TRPC3: variants seen among roughly 807,000 people sequenced by gnomAD.
The protein encoded by TRPC3 is short transient receptor potential channel 3.
Under a neutral mutation model 90.9 loss-of-function variants are expected in TRPC3, and 54 were observed. The ratio of observed to expected loss-of-function variants is 0.59; its 90% CI spans 0.48 to 0.75. TRPC3 has a LOEUF of 0.75. Ranked by LOEUF, TRPC3 falls within the 30% of genes least tolerant of loss-of-function variation. TRPC3 has a pLI of 0.00. For missense variants in TRPC3, 918 were observed against 1,194.5 expected (o/e 0.77, Z 3.41); for synonymous variants, 424 against 450.9 (o/e 0.94, Z 0.75).
chr4:121,899,578 TAG>T (rs1728634008), intron 10 of TRPC3, 32 bp downstream of exon 10: 1 of 1,561,052 alleles, frequency 6.4e-7, no homozygotes, highest in South Asian at 1.1e-5. Context: ...TGGAATCACA[TAG>T]AGATCAAGAG....
At chr4:121,893,880 T>A (rs997067416) in intron 10 of TRPC3, among the ~76,000 whole-genome samples, 4 of 152,106 alleles carry the variant, frequency 2.6e-5, no homozygotes, top group Non-Finnish European at 5.9e-5. Context: ...TCATTCATGA[T>A]AAAGAAATGC....
At chr4:121,904,297 T>C (rs2149119807) in intron 8 of TRPC3, 25 bp downstream of exon 8, 1 of 1,584,072 alleles carries the variant, frequency 6.3e-7, no homozygotes, top group South Asian at 1.2e-5. Context: ...CAAGGATAGA[T>C]ACTATGGATA....
intron 1 of TRPC3, among the ~76,000 whole-genome samples, chr4:121,943,019 C>T (rs1018814109): frequency 6.6e-6 from 1 of 152,220 alleles, no homozygotes; most frequent in African/African-American, 2.4e-5. Context: ...GTCTTCATGC[C>T]TATCTCCCCA....
At chr4:121,895,685 T>C (rs945146676) in intron 10 of TRPC3, among the ~76,000 whole-genome samples, 1 of 151,962 alleles carries the variant, frequency 6.6e-6, no homozygotes, top group Non-Finnish European at 1.5e-5. Flanking sequence ...CAAGATTAAA[T>C]GAGTGCATAA....
At chr4:121,931,545 A>G (rs1344304540) in intron 2 of TRPC3, among the ~76,000 whole-genome samples, 2 of 116,358 alleles carry the variant, frequency 1.7e-5, no homozygotes, top group Non-Finnish European at 3.6e-5. Context: ...TATCCAGAAA[A>G]AAAGTTCACT....
chr4:121,896,591 A>T (rs111699438), intron 10 of TRPC3, among the ~76,000 whole-genome samples: 2,893 of 152,168 alleles, frequency 0.019, 45 homozygotes, highest in Middle Eastern at 0.071. Flanking sequence ...AACCAAGGAG[A>T]TGAAAGACCT....
At chr4:121,917,739 A>C (rs1327284327) in intron 3 of TRPC3, among the ~76,000 whole-genome samples, 1 of 152,218 alleles carries the variant, frequency 6.6e-6, no homozygotes, top group Non-Finnish European at 1.5e-5. Context: ...AGACAGATAT[A>C]AATAAAAGGC....
chr4:121,910,479 C>T (rs999498084), intron 5 of TRPC3, 92 bp from the exon 6 acceptor site: 36 of 971,968 alleles, frequency 3.7e-5, no homozygotes, highest in Non-Finnish European at 5.5e-5. Flanking sequence ...CATCTCTACC[C>T]TACACGTCAA....
intron 10 of TRPC3, among the ~76,000 whole-genome samples, chr4:121,886,259 C>T (rs1232560093): frequency 6.6e-5 from 10 of 152,142 alleles, no homozygotes; most frequent in Admixed American, 5.2e-4. Flanking sequence ...CATTCATTCT[C>T]TCACTTAATT....
intron 4 of TRPC3, among the ~76,000 whole-genome samples, chr4:121,913,285 A>T (rs1729175254): frequency 6.6e-6 from 1 of 152,244 alleles, no homozygotes; most frequent in Non-Finnish European, 1.5e-5. Context: ...TTTCTCCTAA[A>T]GGTCAATCTT....
rs201996877 is a variant in TRPC3, at chr4:121,904,406, A to C, written c.2169T>G (p.Leu723=). 8 of 1,607,324 alleles carry C rather than the reference A, an allele frequency of 5.0e-6. No homozygotes were observed. In the Admixed American group the frequency reaches 1.4e-4, roughly 28 times the overall value. Residue 723 remains leucine, a synonymous_variant, in exon 8 of 12, where the codon CTT becomes CTG. Coordinates refer to ENST00000379645, the MANE Select transcript of TRPC3 (RefSeq NM_001130698.2). ...CCATAGTTACATTGTATATTCCATA[A>C]AGAACGTATCCAATATTTTCTATGA... ...HKFIENIGYV[L]YGIYNVTMVV... is the part of the protein sequence containing the mutation.
chr4:121,904,456 C>G lies in TRPC3; in HGVS notation c.2119G>C (p.Val707Leu), dbSNP rs200581023. The change falls in exon 8 of 12, where the codon GTT (valine) becomes CTT (leucine). Residue 707 changes from valine (V) to leucine (L), a missense_variant. By Grantham distance (32) the Val-to-Leu change is conservative. Transcript: ENST00000379645. Reference sequence around the variant, plus strand: ...AATTTGTGATCATATTTGAGCACAACGGAAGTCACTTCAGACAACCCAAAT... The same window carrying G: ...AATTTGTGATCATATTTGAGCACAAGGGAAGTCACTTCAGACAACCCAAAT... ...SIFGLSEVTSVVLKYDHKFIE... is the reference protein window; with the variant it reads ...SIFGLSEVTSLVLKYDHKFIE... The G allele has an allele frequency of 6.3e-7, 1 of 1,598,482 alleles. No homozygotes were observed. The highest frequency in any genetic ancestry group is 2.3e-5 in the East Asian group (1 of 44,234).
chr4:121,907,832 A>G (rs1234168371), intron 6 of TRPC3, among the ~76,000 whole-genome samples: 4 of 152,126 alleles, frequency 2.6e-5, no homozygotes, highest in African/African-American at 7.2e-5. Flanking sequence ...AATACAAAAC[A>G]TGGAGAGGTT....
intron 3 of TRPC3, among the ~76,000 whole-genome samples, chr4:121,919,128 T>TCC (rs1178222777): frequency 2.0e-5 from 3 of 152,232 alleles, no homozygotes; most frequent in Non-Finnish European, 4.4e-5. Flanking sequence ...CAATCAGCAT[T>TCC]GAGAACAACT....
chr4:121,951,575 G>C lies in TRPC3; in HGVS notation c.106C>G (p.Arg36Gly). The C allele has an allele frequency of 6.9e-7, 1 of 1,448,370 alleles. No homozygotes were observed. Among genetic ancestry groups the C allele is most frequent in the Non-Finnish European group, 9.1e-7 (1 of 1,096,470 alleles). The allele number at this position is 1,448,370 out of a possible 1,614,324, so 89.7% of individuals were successfully genotyped here. ...TTGACGCCCCTCCAGCCCCGGCGGC[G>C]GCGCTGCGGCTCCGCGCCCTCGTCC... ...GEDEGAEPQR[R>G]RRGWRGVNGG... Residue 36 changes from arginine to glycine, a missense_variant, in exon 1 of 12, where the codon CGC (arginine) becomes GGC (glycine). Around this residue, in one of 4 missense-constraint regions of TRPC3, gnomAD observed 609 missense variants for 725.9 expected, o/e 0.84. Transcript: ENST00000379645. The surrounding 1 kb of genome is among the most constrained non-coding windows in gnomAD (Gnocchi z 4.4).
At chr4:121,913,950 T>C (rs975318874) in intron 4 of TRPC3, among the ~76,000 whole-genome samples, 2 of 152,222 alleles carry the variant, frequency 1.3e-5, no homozygotes, top group African/African-American at 2.4e-5. Context: ...TTGACTCATT[T>C]TGCCTTGAAA....
intron 3 of TRPC3, among the ~76,000 whole-genome samples, chr4:121,918,544 T>C (rs934173216): frequency 2.6e-5 from 4 of 152,192 alleles, no homozygotes; most frequent in African/African-American, 7.2e-5. Flanking sequence ...ATGGTCAATC[T>C]TTGACTTGAT....
chr4:121,944,272 AT>A (rs1171395229), intron 1 of TRPC3, among the ~76,000 whole-genome samples: 1 of 152,078 alleles, frequency 6.6e-6, no homozygotes, highest in African/African-American at 2.4e-5. Flanking sequence ...ATTCCTTAGC[AT>A]CCTCCCTGAA....
At chr4:121,910,131 G>A in intron 6 of TRPC3, 23 bp downstream of exon 6, 1 of 1,600,060 alleles carries the variant, frequency 6.2e-7, no homozygotes, top group Non-Finnish European at 8.6e-7. Flanking sequence ...AAACACAAGG[G>A]GACCCTGAAG....
Sources: allele counts gnomAD v4.1 joint callset (sites outside exome capture counted in the v4.1 genomes callset), GRCh38; gene constraint gnomAD v4.1.1; regional missense constraint gnomAD v4.1.1; non-coding constraint Gnocchi (gnomAD v3.1); transcripts MANE v1.5; gene names NCBI Gene and HGNC (gene_info 2026-07-23, HGNC 2026-07-21).